USP53: variants seen among roughly 807,000 people sequenced by gnomAD.
The protein encoded by USP53 is ubiquitin specific peptidase 53.
In USP53, 71 loss-of-function variants were observed where a neutral mutation model predicts 94.9. That is an observed-to-expected ratio of 0.75 (90% CI 0.62 to 0.91). The LOEUF (loss-of-function observed/expected upper bound fraction) is 0.91. USP53 is among the 40% of genes least tolerant of loss of function. USP53 has a pLI of 0.00. For missense variants in USP53, 1,173 were observed against 1,281.0 expected (o/e 0.92, Z 1.29); for synonymous variants, 375 against 422.7 (o/e 0.89, Z 1.39).
chr4:119,225,318 A>T (rs28867387), intron 3 of USP53, among the ~76,000 whole-genome samples: 1 of 152,232 alleles, frequency 6.6e-6, no homozygotes, highest in Non-Finnish European at 1.5e-5. Context: ...CCCATAAAGA[A>T]AATTCTAGGC....
chr4:119,245,496 TG>T (rs1348980172), intron 6 of USP53, 67 bp downstream of exon 6: 1 of 1,390,782 alleles, frequency 7.2e-7, no homozygotes, highest in East Asian at 2.3e-5. Flanking sequence ...TTTGATATAT[TG>T]GGTCAGTTTG....
intron 3 of USP53, among the ~76,000 whole-genome samples, chr4:119,228,156 A>G (rs532661324): frequency 3.9e-5 from 6 of 152,352 alleles, no homozygotes; most frequent in African/African-American, 1.4e-4. Flanking sequence ...ATCTTACAAG[A>G]GTGGTCAAAG....
At chr4:119,257,497 C>A (rs1039945784) in intron 9 of USP53, among the ~76,000 whole-genome samples, 4 of 152,116 alleles carry the variant, frequency 2.6e-5, no homozygotes, top group African/African-American at 9.7e-5. Flanking sequence ...AGATCATAAA[C>A]ATTTGCATAC....
At chr4:119,249,620 C>A (rs1250734492) in intron 7 of USP53, among the ~76,000 whole-genome samples, 1 of 151,342 alleles carries the variant, frequency 6.6e-6, no homozygotes, top group Non-Finnish European at 1.5e-5. Context: ...TATATTTAAG[C>A]CTCCTATTGG....
At chr4:119,223,549 A>C (rs1744835089) in intron 3 of USP53, among the ~76,000 whole-genome samples, 1 of 152,202 alleles carries the variant, frequency 6.6e-6, no homozygotes, top group Admixed American at 6.5e-5. Context: ...TCAAAAAAGG[A>C]GAAGGTGACT....
chr4:119,244,653 G>A (rs1056073305), intron 5 of USP53, among the ~76,000 whole-genome samples: 16 of 152,134 alleles, frequency 1.1e-4, no homozygotes, highest in Admixed American at 2.6e-4. Flanking sequence ...TTTTCAGAAT[G>A]ATTTTAAGTA....
At chr4:119,282,798 A>G (rs1201531205) in intron 17 of USP53, among the ~76,000 whole-genome samples, 2 of 151,998 alleles carry the variant, frequency 1.3e-5, no homozygotes, top group Non-Finnish European at 2.9e-5. Flanking sequence ...TTGTGACTAT[A>G]TATGATTTTC....
intron 17 of USP53, among the ~76,000 whole-genome samples, chr4:119,281,082 AT>A (rs1176566273): frequency 6.6e-6 from 1 of 152,194 alleles, no homozygotes; most frequent in Admixed American, 6.5e-5. Flanking sequence ...GAAAAGTTCA[AT>A]TTGGCACCAA....
At chr4:119,270,494 G>A (rs1751717797) in intron 15 of USP53, among the ~76,000 whole-genome samples, 1 of 152,080 alleles carries the variant, frequency 6.6e-6, no homozygotes, top group Non-Finnish European at 1.5e-5. Context: ...TGGGATACTT[G>A]TATATATGTG....
intron 14 of USP53, among the ~76,000 whole-genome samples, 154 bp from the exon 15 acceptor site, chr4:119,269,537 G>GT (rs1174579219): frequency 6.6e-6 from 1 of 151,904 alleles, no homozygotes; most frequent in African/African-American, 2.4e-5. Flanking sequence ...ATCACATCTA[G>GT]TTTTTAATCA....
intron 17 of USP53, among the ~76,000 whole-genome samples, chr4:119,279,869 T>A (rs1753270190): frequency 6.6e-6 from 1 of 152,184 alleles, no homozygotes; most frequent in Non-Finnish European, 1.5e-5. Flanking sequence ...ATTTTCCAGG[T>A]GCGTCCGTCA....
At chr4:119,254,470 A>T (rs4496567) in intron 7 of USP53, among the ~76,000 whole-genome samples, 99,177 of 151,944 alleles carry the variant, frequency 0.65, 32,427 homozygotes, top group East Asian at 0.7. Context: ...TTCATTAATT[A>T]GATCTCCAAT....
intron 17 of USP53, among the ~76,000 whole-genome samples, chr4:119,283,311 A>G (rs753402627): frequency 6.6e-6 from 1 of 152,002 alleles, no homozygotes; most frequent in Non-Finnish European, 1.5e-5. Context: ...GTAGTTTGGT[A>G]TATGCAGGGC....
At position 119,261,785 on chromosome 4, in the gene USP53, C is replaced by G. The variant is rs909472680; in HGVS notation, c.893C>G (p.Thr298Ser). Residue 298 changes from threonine to serine, a missense_variant, in exon 12 of 19, where the codon ACC becomes AGC. By Grantham distance (58) the Thr-to-Ser change is moderately conservative. Transcript: ENST00000692078. Reference sequence around the variant, plus strand: ...AACCTTGTTGGTATGATCTGCTACACCAGCCAACATTATTGTGCCTTTGCA... The same window carrying G: ...AACCTTGTTGGTATGATCTGCTACAGCAGCCAACATTATTGTGCCTTTGCA... ...ELNLVGMICYTSQHYCAFAFH... is the reference protein window; with the variant it reads ...ELNLVGMICYSSQHYCAFAFH... 4.5e-6 allele frequency: 7 copies of G among 1,538,980 alleles called. No individual in the cohort carries two copies. The Admixed American group carries it at 5.2e-5, about 11-fold the overall frequency.
intron 6 of USP53, among the ~76,000 whole-genome samples, chr4:119,246,614 G>T (rs1323638486): frequency 6.6e-6 from 1 of 152,182 alleles, no homozygotes; most frequent in Non-Finnish European, 1.5e-5. Context: ...TATAACAGGG[G>T]TTTAGATTGT....
intron 17 of USP53, among the ~76,000 whole-genome samples, chr4:119,275,176 C>T (rs1353854530): frequency 5.2e-5 from 3 of 57,718 alleles, no homozygotes; most frequent in Non-Finnish European, 1.1e-4. Flanking sequence ...CTTGCCCATG[C>T]CTATGTCCTG....
intron 16 of USP53, chr4:119,272,905 A>G (rs1189544542): frequency 2.6e-5 from 4 of 152,200 alleles, no homozygotes; most frequent in Admixed American, 2.6e-4. Context: ...AATCCTTCTA[A>G]CAATGTGTTT....
chr4:119,214,296 C>T (rs1743391577), intron 2 of USP53, 74 bp downstream of exon 2: 1 of 151,954 alleles, frequency 6.6e-6, no homozygotes, highest in African/African-American at 2.4e-5. Context: ...AAATAAGCTC[C>T]TTGATACAAT....
intron 3 of USP53, among the ~76,000 whole-genome samples, chr4:119,234,194 G>A (rs369747684): frequency 5.3e-5 from 8 of 152,262 alleles, no homozygotes; most frequent in Admixed American, 5.2e-4. Flanking sequence ...GCATCCTGTA[G>A]GGTAGAAATT....
Sources: gnomAD v4.1 joint callset for allele counts (sites outside exome capture counted in the v4.1 genomes callset) on GRCh38, gnomAD v4.1.1 for gene constraint, MANE v1.5 for transcripts, NCBI Gene and HGNC (gene_info 2026-07-23, HGNC 2026-07-21) for gene names.